SRBD1: variants seen among roughly 807,000 people sequenced by gnomAD.
The protein encoded by SRBD1 is S1 RNA-binding domain-containing protein 1.
Under a neutral mutation model 115.3 loss-of-function variants are expected in SRBD1, and 88 were observed. The ratio of observed to expected loss-of-function variants is 0.76; its 90% CI spans 0.64 to 0.91. SRBD1 has a LOEUF of 0.91. SRBD1 is among the 40% of genes least tolerant of loss of function. The probability of loss-of-function intolerance (pLI) is 0.00; values close to 1 mark genes in which losing one functional copy is unlikely to be tolerated. For missense variants in SRBD1, 1,385 were observed against 1,177.4 expected, an observed-to-expected ratio of 1.18 and a Z score of -2.58; for synonymous variants, 509 against 407.7, an observed-to-expected ratio of 1.25 and a Z score of -2.99.
rs1209270160 is a variant in SRBD1 at position 45,574,648 on chromosome 2, G to A, written c.1148C>T (p.Thr383Met). Reference sequence around the variant, plus strand: ...TCACAAGTTCCGAATGAAGTCAAGCGTGTCTTTGTCTTTAGCAATCATATC... The same window carrying A: ...TCACAAGTTCCGAATGAAGTCAAGCATGTCTTTGTCTTTAGCAATCATATC... The part of the protein sequence containing the change: ...LADMIAKDKD[T>M]LDFIRNLCQK... The change falls in exon 8 of 21, where the codon ACG (threonine) becomes ATG (methionine). Residue 383 changes from threonine to methionine, a missense_variant. Thr to Met is a moderately conservative substitution (Grantham distance 81, BLOSUM62 -1). Coordinates refer to ENST00000263736, the MANE Select transcript of SRBD1 (RefSeq NM_018079.5). 17 of 1,613,356 alleles carry A rather than the reference G, an allele frequency of 1.1e-5. No homozygotes were observed. The highest frequency in any genetic ancestry group is 3.3e-5 in the Admixed American group (2 of 59,864).
intron 15 of SRBD1, among the ~76,000 whole-genome samples, chr2:45,483,594 A>G (rs1242977992): frequency 6.6e-6 from 1 of 152,170 alleles, no homozygotes; most frequent in African/African-American, 2.4e-5. Flanking sequence ...TTTGCTTAAA[A>G]GACTATACTG....
intron 4 of SRBD1, among the ~76,000 whole-genome samples, chr2:45,591,462 T>C (rs1673721684): frequency 6.6e-6 from 1 of 152,200 alleles, no homozygotes; most frequent in South Asian, 2.1e-4. Flanking sequence ...CAGCTGGGTC[T>C]GTGTGAATTA....
intron 5 of SRBD1, 58 bp downstream of exon 5, chr2:45,585,550 C>A: frequency 2.0e-6 from 3 of 1,531,644 alleles, no homozygotes; most frequent in Non-Finnish European, 2.6e-6. Context: ...CACTTTCTCA[C>A]TGTTCCTCAT....
chr2:45,518,167 A>C (rs1671176862), intron 14 of SRBD1, among the ~76,000 whole-genome samples: 1 of 152,150 alleles, frequency 6.6e-6, no homozygotes, highest in Non-Finnish European at 1.5e-5. Context: ...TAGCCTCCAC[A>C]ATAATCCTGT....
rs139023403 is a variant in SRBD1 at position 45,431,297 on chromosome 2, T to C, written c.2050-11403A>G. Among the ~76,000 whole-genome samples, 1,097 of 152,298 alleles carry C rather than the reference T, an allele frequency of 7.2e-3. 9 individuals are homozygous for C. Among genetic ancestry groups the C allele is most frequent in the Non-Finnish European group, 0.012 (834 of 68,018 alleles). ...CCATTTGACCCAGCAATCCCATTAC[T>C]GGGTATATACTCAGAGACTACTATA... On this transcript the variant is annotated intron_variant, in intron 16 of 20. Coordinates refer to ENST00000263736, the MANE Select transcript of SRBD1 (RefSeq NM_018079.5).
intron 10 of SRBD1, among the ~76,000 whole-genome samples, chr2:45,559,278 T>C (rs989246787): frequency 3.9e-5 from 6 of 152,148 alleles, no homozygotes; most frequent in African/African-American, 1.2e-4. Context: ...CTTCCCACCA[T>C]CCTTAAAAGA....
At chr2:45,405,401 G>C (rs552731760) in intron 19 of SRBD1, among the ~76,000 whole-genome samples, 45 of 151,550 alleles carry the variant, frequency 3.0e-4, no homozygotes, top group Non-Finnish European at 6.2e-4. Flanking sequence ...AGGGACAAAG[G>C]GGGGTGGTAC....
intron 15 of SRBD1, among the ~76,000 whole-genome samples, chr2:45,478,711 T>C (rs535687767): frequency 5.9e-5 from 9 of 152,190 alleles, no homozygotes; most frequent in Non-Finnish European, 1.2e-4. Context: ...AACATTTAAA[T>C]GTGTAATGCA....
intron 4 of SRBD1, among the ~76,000 whole-genome samples, chr2:45,589,710 C>A (rs1673654914): frequency 6.6e-6 from 1 of 152,190 alleles, no homozygotes; most frequent in African/African-American, 2.4e-5. Flanking sequence ...GCTAACAAAA[C>A]CACATACAAG....
chr2:45,550,999 G>A, intron 12 of SRBD1, 126 bp downstream of exon 12: 1 of 1,097,022 alleles, frequency 9.1e-7, no homozygotes, highest in South Asian at 1.8e-5. Context: ...CAACACCCCT[G>A]TATGTGAGAA....
At chr2:45,534,476 G>A (rs1671705045) in intron 14 of SRBD1, among the ~76,000 whole-genome samples, 1 of 151,904 alleles carries the variant, frequency 6.6e-6, no homozygotes, top group Non-Finnish European at 1.5e-5. Flanking sequence ...AGCCATCACT[G>A]TAGAAAGAAA....
intron 16 of SRBD1, among the ~76,000 whole-genome samples, chr2:45,432,249 G>C (rs1022981605): frequency 5.3e-5 from 8 of 151,962 alleles, no homozygotes; most frequent in Non-Finnish European, 1.2e-4. Context: ...GGCTGGTCTT[G>C]AACTCCCGAC....
chr2:45,541,237 C>A (rs2104012751), intron 14 of SRBD1, among the ~76,000 whole-genome samples: 1 of 152,340 alleles, frequency 6.6e-6, no homozygotes, highest in East Asian at 1.9e-4. Flanking sequence ...ACACCCACAT[C>A]TGGACGAGGG....
chr2:45,557,178 T>C (rs1672506091), intron 10 of SRBD1, among the ~76,000 whole-genome samples: 1 of 151,606 alleles, frequency 6.6e-6, no homozygotes, highest in Admixed American at 6.6e-5. Flanking sequence ...AAGATGAGGG[T>C]AGAAAATGTG....
chr2:45,532,363 T>G (rs550947771), intron 14 of SRBD1, among the ~76,000 whole-genome samples: 2 of 151,972 alleles, frequency 1.3e-5, no homozygotes, highest in East Asian at 3.9e-4. Context: ...CTATCTTTCA[T>G]GTACCTCTTT....
At chr2:45,464,053 T>C (rs1178917736) in intron 16 of SRBD1, among the ~76,000 whole-genome samples, 1 of 152,132 alleles carries the variant, frequency 6.6e-6, no homozygotes, top group East Asian at 1.9e-4. Context: ...CATTCCTTTA[T>C]AAGTGCTACC....
At chr2:45,500,694 G>C (rs1670604937) in intron 14 of SRBD1, among the ~76,000 whole-genome samples, 2 of 152,158 alleles carry the variant, frequency 1.3e-5, no homozygotes, top group African/African-American at 4.8e-5. Context: ...GGGATTACAG[G>C]TGTGAGCCAC....
intron 14 of SRBD1, among the ~76,000 whole-genome samples, chr2:45,505,012 A>C (rs1228183470): frequency 6.6e-6 from 1 of 152,146 alleles, no homozygotes; most frequent in African/African-American, 2.4e-5. Context: ...AATTAGTATC[A>C]CACCAAATAG....
intron 19 of SRBD1, among the ~76,000 whole-genome samples, chr2:45,408,651 G>A (rs959223643): frequency 1.3e-5 from 2 of 152,144 alleles, no homozygotes; most frequent in Non-Finnish European, 2.9e-5. Flanking sequence ...AAATCAGTGT[G>A]TTACTTGGTG....
Sources: gnomAD v4.1 joint callset for allele counts (sites outside exome capture counted in the v4.1 genomes callset) on GRCh38, gnomAD v4.1.1 for gene constraint, MANE v1.5 for transcripts, NCBI Gene and HGNC (gene_info 2026-07-23, HGNC 2026-07-21) for gene names.